The following PXDNL variants were observed in gnomAD, a reference collection of about 807,000 sequenced individuals.
PXDNL encodes the protein probable oxidoreductase PXDNL.
PXDNL carries 145 observed loss-of-function variants against 150.8 expected under a neutral mutation model. The observed-to-expected ratio is 0.96, with a 90% CI of 0.84 to 1.10. The LOEUF (loss-of-function observed/expected upper bound fraction) is 1.10, where lower values mean the gene tolerates loss of function less well. PXDNL is among the 50% of genes least tolerant of loss of function. The pLI is 0.00. For missense variants in PXDNL, 2,087 were observed against 1,873.9 expected (o/e 1.11, Z -2.10); for synonymous variants, 757 against 725.7 (o/e 1.04, Z -0.69).
chr8:51,454,159 G>A (rs1417381643), intron 9 of PXDNL, among the ~76,000 whole-genome samples: 1 of 152,144 alleles, frequency 6.6e-6, no homozygotes, highest in Non-Finnish European at 1.5e-5. Flanking sequence ...AAATAAAAGT[G>A]CTAAGTTTAA....
chr8:51,551,150 TA>T (rs1333249734), intron 4 of PXDNL, among the ~76,000 whole-genome samples: 2 of 151,758 alleles, frequency 1.3e-5, no homozygotes, highest in African/African-American at 4.8e-5. Context: ...AAACAGAAAC[TA>T]AAAAATGCTG....
intron 2 of PXDNL, among the ~76,000 whole-genome samples, chr8:51,651,725 A>G (rs1815041222): frequency 6.6e-6 from 1 of 152,098 alleles, no homozygotes; most frequent in African/African-American, 2.4e-5. Context: ...CCAGGGCTCA[A>G]TCATCTTTTT....
intron 1 of PXDNL, among the ~76,000 whole-genome samples, chr8:51,683,792 G>C (rs574165828): frequency 6.6e-6 from 1 of 152,240 alleles, no homozygotes; most frequent in East Asian, 1.9e-4. Flanking sequence ...GAGATTCCAA[G>C]GCATGCGAGA....
intron 3 of PXDNL, among the ~76,000 whole-genome samples, chr8:51,560,906 A>G (rs1812702975): frequency 6.7e-6 from 1 of 150,110 alleles, no homozygotes; most frequent in Non-Finnish European, 1.5e-5. Flanking sequence ...AATATCCAGA[A>G]TATACAAAGG....
intron 1 of PXDNL, among the ~76,000 whole-genome samples, chr8:51,720,039 G>A (rs954146196): frequency 2.0e-5 from 3 of 152,054 alleles, no homozygotes; most frequent in East Asian, 3.9e-4. Flanking sequence ...AAGCAGGGCC[G>A]GGACTAGGGT....
chr8:51,426,631 T>C lies in PXDNL; in HGVS notation c.1638+15A>G. Reference sequence around the variant, plus strand: ...AGTGTTTTTAATATTACTGTACTTTTAGTTGAGATCTTACCTTATTCCAAG... The same window carrying C: ...AGTGTTTTTAATATTACTGTACTTTCAGTTGAGATCTTACCTTATTCCAAG... On this transcript the variant is annotated intron_variant, in intron 13 of 22. Coordinates refer to ENST00000356297, the MANE Select transcript of PXDNL (RefSeq NM_144651.5). 7.2e-7 allele frequency: 1 copy of C among 1,381,838 alleles called. No individual in the cohort carries two copies. The highest frequency in any genetic ancestry group is 1.0e-6 in the Non-Finnish European group (1 of 978,322). 85.6% of individuals were successfully genotyped at this position (1,381,838 alleles called of 1,614,324 possible). A position where few individuals can be genotyped will look rare whatever the true frequency, so the allele number is the denominator to read the frequency against.
intron 19 of PXDNL, among the ~76,000 whole-genome samples, chr8:51,368,350 T>C (rs574513904): frequency 2.0e-5 from 3 of 152,280 alleles, no homozygotes; most frequent in Admixed American, 6.5e-5. Flanking sequence ...GATATAATGA[T>C]GTAAATCTTG....
intron 21 of PXDNL, among the ~76,000 whole-genome samples, chr8:51,325,464 G>A (rs80326799): frequency 4.6e-5 from 7 of 152,188 alleles, no homozygotes; most frequent in Non-Finnish European, 8.8e-5. Context: ...GCTGGGTAGA[G>A]TTGGGGTTCT....
intron 19 of PXDNL, among the ~76,000 whole-genome samples, chr8:51,358,180 T>C (rs1380838015): frequency 6.6e-6 from 1 of 152,188 alleles, no homozygotes; most frequent in African/African-American, 2.4e-5. Context: ...AAATGAAACC[T>C]AATGAATTAT....
intron 1 of PXDNL, among the ~76,000 whole-genome samples, chr8:51,661,522 G>T (rs1158096132): frequency 6.6e-6 from 1 of 152,210 alleles, no homozygotes; most frequent in African/African-American, 2.4e-5. Context: ...AAAGCCCCAG[G>T]TCCGCTGAGG....
rs1554564343 is a variant in PXDNL at position 51,668,176 on chromosome 8, C to CTCTTTTTTTTTTT, written c.165-13417_165-13416insAAAAAAAAAAAGA. On this transcript the variant is annotated intron_variant, in intron 1 of 22. Transcript: ENST00000356297. ...ATACAAGGCTTCCTTCTCGCTCTCT[C>CTCTTTTTTTTTTT]TTTTTTTTTTTTTTTTTGAGACAGA... 1.3e-4 allele frequency among the ~76,000 whole-genome samples: 10 copies of CTCTTTTTTTTTTT among 77,386 alleles called. No homozygotes were observed. In the East Asian group the frequency reaches 1.5e-3, roughly 11 times the overall value. The allele number at this position is 77,386 out of a possible 152,430, so 50.8% of individuals were successfully genotyped here. A position where few individuals can be genotyped will look rare whatever the true frequency, so the allele number is the denominator to read the frequency against.
rs1563471255 is a variant in PXDNL, at chr8:51,578,009, G to A, written c.308+14618C>T. Among the ~76,000 whole-genome samples, 18 of 86,024 alleles carry A rather than the reference G, an allele frequency of 2.1e-4. 1 individual carries two copies. The highest frequency in any genetic ancestry group is 3.8e-4 in the Admixed American group (3 of 7,892). 56.4% of individuals were successfully genotyped at this position (86,024 alleles called of 152,430 possible). On this transcript the variant is annotated intron_variant, in intron 3 of 22. Coordinates refer to ENST00000356297, the MANE Select transcript of PXDNL (RefSeq NM_144651.5). ...AAAGAAAGAAAGAAAGAGGAAGGAAGGAAGGAAGGAAGGAAGGAAGGAAGG... is the reference window on the plus strand; with the variant it reads ...AAAGAAAGAAAGAAAGAGGAAGGAAAGAAGGAAGGAAGGAAGGAAGGAAGG...
intron 17 of PXDNL, among the ~76,000 whole-genome samples, chr8:51,376,222 C>T (rs2130794968): frequency 6.6e-6 from 1 of 152,292 alleles, no homozygotes; most frequent in East Asian, 1.9e-4. Context: ...CCACAAGAAG[C>T]ATATCAAAAT....
chr8:51,537,862 AG>A (rs1812118184), intron 4 of PXDNL, among the ~76,000 whole-genome samples: 2 of 152,174 alleles, frequency 1.3e-5, no homozygotes, highest in African/African-American at 4.8e-5. Flanking sequence ...TAGACTCATG[AG>A]AAGGAATATC....
chr8:51,577,606 A>ATATATATATATG (rs543052856), intron 3 of PXDNL, among the ~76,000 whole-genome samples: 5 of 147,586 alleles, frequency 3.4e-5, no homozygotes, highest in African/African-American at 1.2e-4. Context: ...ATATATATAT[A>ATATATATATATG]TATAATCAGG....
intron 2 of PXDNL, among the ~76,000 whole-genome samples, chr8:51,613,728 T>C (rs1761677432): frequency 6.6e-6 from 1 of 152,174 alleles, no homozygotes; most frequent in African/African-American, 2.4e-5. Context: ...TATTTACTTT[T>C]TATATGACAG....
At chr8:51,761,166 G>A (rs977156601) in intron 1 of PXDNL, among the ~76,000 whole-genome samples, 1 of 151,718 alleles carries the variant, frequency 6.6e-6, no homozygotes, top group East Asian at 1.9e-4. Flanking sequence ...AGCCACCGCG[G>A]CCGGCCTGAA....
chr8:51,442,247 G>A (rs1381743405), intron 12 of PXDNL, among the ~76,000 whole-genome samples: 1 of 150,002 alleles, frequency 6.7e-6, no homozygotes, highest in African/African-American at 2.5e-5. Context: ...CTAATATACT[G>A]TCTGGGTACA....
At chr8:51,531,928 C>A (rs1035390122) in intron 4 of PXDNL, among the ~76,000 whole-genome samples, 8 of 152,354 alleles carry the variant, frequency 5.3e-5, no homozygotes, top group African/African-American at 1.7e-4. Context: ...CATCCACATT[C>A]AGTTGCAGAC....
Sources: gnomAD v4.1 joint callset for allele counts (sites outside exome capture counted in the v4.1 genomes callset) on GRCh38, gnomAD v4.1.1 for gene constraint, MANE v1.5 for transcripts, NCBI Gene and HGNC (gene_info 2026-07-23, HGNC 2026-07-21) for gene names.